The following NAALADL2 variants were observed in gnomAD, a reference collection of about 807,000 sequenced individuals.
NAALADL2 encodes the protein inactive N-acetylated-alpha-linked acidic dipeptidase-like protein 2.
NAALADL2 carries 76 observed loss-of-function variants against 87.2 expected under a neutral mutation model. The ratio of observed to expected loss-of-function variants is 0.87; its 90% CI spans 0.72 to 1.05. The LOEUF is 1.05. Ranked by LOEUF, NAALADL2 falls within the 50% of genes least tolerant of loss-of-function variation. The pLI, the probability that NAALADL2 is intolerant of heterozygous loss-of-function variation, is 0.00. For missense variants in NAALADL2, 1,089 were observed against 945.8 expected, an observed-to-expected ratio of 1.15 and a Z score of -1.99; for synonymous variants, 354 against 331.0, an observed-to-expected ratio of 1.07 and a Z score of -0.75.
chr3:175,344,276 T>C (rs1030515528), intron 5 of NAALADL2, among the ~76,000 whole-genome samples: 1 of 152,078 alleles, frequency 6.6e-6, no homozygotes. Flanking sequence ...TTGACTTACA[T>C]CCACCTTTTC....
intron 5 of NAALADL2, among the ~76,000 whole-genome samples, chr3:175,343,667 T>TTTTTTTTTTTTTTTTTTTTTTTTTTTTG (rs1762822912): frequency 6.9e-6 from 1 of 145,448 alleles, no homozygotes; most frequent in Non-Finnish European, 1.5e-5. Context: ...TTTTTTTTTT[T>TTTTTTTTTTTTTTTTTTTTTTTTTTTTG]TTTTTTTTTC....
At chr3:174,584,785 G>A (rs768890449) in intron 2 of NAALADL2, among the ~76,000 whole-genome samples, 1 of 152,050 alleles carries the variant, frequency 6.6e-6, no homozygotes, top group Non-Finnish European at 1.5e-5. Flanking sequence ...ATAAATTGAA[G>A]CTCTATTATT....
intron 12 of NAALADL2, among the ~76,000 whole-genome samples, chr3:175,753,857 T>TC (rs1402449579): frequency 6.6e-6 from 1 of 152,154 alleles, no homozygotes; most frequent in Admixed American, 6.5e-5. Context: ...CTTCACACCA[T>TC]CTGTCTGTCT....
At chr3:175,546,704 C>T (rs1293070876) in intron 9 of NAALADL2, among the ~76,000 whole-genome samples, 2 of 151,964 alleles carry the variant, frequency 1.3e-5, no homozygotes, top group African/African-American at 4.8e-5. Flanking sequence ...GAATATTGAC[C>T]CACAGTTTCT....
chr3:174,499,761 C>T (rs940389121), intron 1 of NAALADL2, among the ~76,000 whole-genome samples: 2 of 152,058 alleles, frequency 1.3e-5, no homozygotes, highest in South Asian at 2.1e-4. Context: ...GTTGGAATCT[C>T]TCTTTTGTTA....
At chr3:175,350,734 G>A (rs1023339071) in intron 5 of NAALADL2, among the ~76,000 whole-genome samples, 1 of 152,134 alleles carries the variant, frequency 6.6e-6, no homozygotes, top group Non-Finnish European at 1.5e-5. Flanking sequence ...GTGTGGAAGA[G>A]CCAAGAAGTA....
At chr3:174,687,378 T>A (rs1728148109) in intron 2 of NAALADL2, among the ~76,000 whole-genome samples, 1 of 152,164 alleles carries the variant, frequency 6.6e-6, no homozygotes, top group South Asian at 2.1e-4. Context: ...TATGTTTTTA[T>A]CTTTTGCACT....
chr3:175,229,974 T>C (rs892481015), intron 2 of NAALADL2, among the ~76,000 whole-genome samples: 3 of 151,978 alleles, frequency 2.0e-5, no homozygotes, highest in African/African-American at 7.2e-5. Context: ...CACATTATTA[T>C]GGATATGGAA....
In NAALADL2 at chr3:174,476,689, G is replaced by A. The variant is rs114231944; in HGVS notation, c.-184+35657G>A. Among the ~76,000 whole-genome samples, 281 of 152,046 alleles carry A rather than the reference G, an allele frequency of 1.8e-3. 1 individual carries two copies. Among genetic ancestry groups the A allele is most frequent in the African/African-American group, 6.5e-3 (269 of 41,532 alleles). On this transcript the variant is annotated intron_variant, in intron 1 of 3. Coordinates refer to the NAALADL2 transcript ENST00000434257. ...GAAATGCTAAGGTTAATTTTTAAAT[G>A]ATAGCTAAAAATGCTCAGAAATGGA...
chr3:175,064,281 C>T (rs1714132903), intron 1 of NAALADL2, among the ~76,000 whole-genome samples: 1 of 151,198 alleles, frequency 6.6e-6, no homozygotes. Context: ...AACAAAACCA[C>T]CAAGACAACA....
intron 2 of NAALADL2, among the ~76,000 whole-genome samples, chr3:175,115,420 A>T (rs1979332): frequency 0.6 from 91,161 of 150,918 alleles, 28,007 homozygotes; most frequent in African/African-American, 0.73. Flanking sequence ...ATATAAACTT[A>T]ATTTCTTTTA....
At chr3:174,851,741 G>A (rs566612096) in intron 3 of NAALADL2, among the ~76,000 whole-genome samples, 47 of 152,032 alleles carry the variant, frequency 3.1e-4, no homozygotes, top group Non-Finnish European at 5.2e-4. Context: ...TACAAGGCTA[G>A]TATTATCCTG....
At chr3:174,829,072 G>T (rs557480634) in intron 3 of NAALADL2, among the ~76,000 whole-genome samples, 29 of 152,076 alleles carry the variant, frequency 1.9e-4, no homozygotes, top group Admixed American at 5.2e-4. Context: ...CATACAAAGA[G>T]GTTCAGGTAT....
intron 2 of NAALADL2, among the ~76,000 whole-genome samples, chr3:174,566,899 AG>A (rs1474480055): frequency 1.3e-5 from 2 of 151,714 alleles, no homozygotes; most frequent in Non-Finnish European, 3.0e-5. Context: ...ACAAAACAAA[AG>A]GTATGTTTTA....
At chr3:175,472,833 T>C (rs1183765897) in intron 9 of NAALADL2, among the ~76,000 whole-genome samples, 3 of 152,160 alleles carry the variant, frequency 2.0e-5, no homozygotes, top group Non-Finnish European at 4.4e-5. Flanking sequence ...AGTTAATTTC[T>C]CCTGCTCTGT....
At position 175,234,152 on chromosome 3, in the gene NAALADL2, G is replaced by C; in HGVS notation, c.767G>C (p.Ser256Thr). 1 of 1,613,852 alleles carries C rather than the reference G, an allele frequency of 6.2e-7. No individual in the cohort carries two copies. The highest frequency in any genetic ancestry group is 1.1e-5 in the South Asian group (1 of 91,088). ...PCSEEARKDS[S>T]QDLLYSYAAY... ...AGTGAAGAAGCCAGAAAAGATAGCAGCCAAGACCTGCTCTATTCATATGCA... is the reference window on the plus strand; with the variant it reads ...AGTGAAGAAGCCAGAAAAGATAGCACCCAAGACCTGCTCTATTCATATGCA... Residue 256 changes from serine to threonine, a missense_variant, in exon 3 of 14, where the codon AGC becomes ACC. Transcript: ENST00000454872.
chr3:174,858,938 G>A (rs191534619), upstream of NAALADL2, among the ~76,000 whole-genome samples: 142 of 152,120 alleles, frequency 9.3e-4, no homozygotes, highest in South Asian at 5.2e-3. Flanking sequence ...AACTGACTCT[G>A]AGCTGTTCCT....
chr3:175,752,133 A>G (rs2150125971), intron 12 of NAALADL2, among the ~76,000 whole-genome samples: 1 of 152,224 alleles, frequency 6.6e-6, no homozygotes, highest in East Asian at 1.9e-4. Context: ...ATAAATGACT[A>G]CCATAAAACA....
chr3:174,695,574 C>A (rs574263520), intron 2 of NAALADL2, among the ~76,000 whole-genome samples: 4 of 151,996 alleles, frequency 2.6e-5, no homozygotes, highest in Non-Finnish European at 1.5e-5. Context: ...CAGTGTCATA[C>A]TGAAACTAAA....
Sources: gnomAD v4.1 joint callset for allele counts (sites outside exome capture counted in the v4.1 genomes callset) on GRCh38, gnomAD v4.1.1 for gene constraint, MANE v1.5 for transcripts, NCBI Gene and HGNC (gene_info 2026-07-23, HGNC 2026-07-21) for gene names.